Variants in GAPVD1 observed in about 807,000 individuals in gnomAD.
The protein encoded by GAPVD1 is GTPase-activating protein and VPS9 domain-containing protein 1.
In GAPVD1, 35 loss-of-function variants were observed where a neutral mutation model predicts 155.5. The ratio of observed to expected loss-of-function variants is 0.23; its 90% confidence interval spans 0.17 to 0.30. The LOEUF is 0.30. Ranked by LOEUF, GAPVD1 falls within the 10% of genes least tolerant of loss-of-function variation. The pLI is 1.00. For missense variants in GAPVD1, 1,429 were observed against 1,775.7 expected (o/e 0.80, Z 3.51); for synonymous variants, 636 against 619.7 (o/e 1.03, Z -0.39).
chr9:125,320,964 C>T (rs868765973), intron 9 of GAPVD1, among the ~76,000 whole-genome samples: 30 of 152,176 alleles, frequency 2.0e-4, no homozygotes, highest in African/African-American at 7.0e-4. Flanking sequence ...AAATTTAATA[C>T]GTGACATGAC....
intron 15 of GAPVD1, among the ~76,000 whole-genome samples, chr9:125,335,763 TTAA>T (rs1564422637): frequency 2.6e-5 from 4 of 152,308 alleles, no homozygotes; most frequent in African/African-American, 9.6e-5. Flanking sequence ...TTTAAATGAA[TTAA>T]TAAATATTTA....
rs1424017497 is a variant in GAPVD1, at chr9:125,301,171, G to A, written c.186-812G>A. ...TGCTGTCTCAAGCTCCTGAGCTCAA[G>A]CGATTTTCCCACCTCAGCCTCCTGA... is the stretch of plus-strand genomic sequence containing the variant. On this transcript the variant is annotated intron_variant, in intron 4 of 27. Coordinates refer to ENST00000297933, the MANE Select transcript of GAPVD1 (RefSeq NM_001282680.3). Among the ~76,000 whole-genome samples, 8 of 151,956 alleles carry A rather than the reference G, an allele frequency of 5.3e-5. No individual in the cohort carries two copies. The East Asian group carries it at 1.5e-3, about 29-fold the overall frequency.
chr9:125,272,181 GC>G (rs1295612997), intron 2 of GAPVD1, among the ~76,000 whole-genome samples: 1 of 151,970 alleles, frequency 6.6e-6, no homozygotes, highest in Non-Finnish European at 1.5e-5. Context: ...CTGCCACCCT[GC>G]CTGGCTAATT....
rs1393132066 is a variant in GAPVD1 at position 125,261,833 on chromosome 9, A to C, written c.-325A>C. The C allele has an allele frequency of 1.3e-5, 2 of 152,444 alleles. No individual in the cohort carries two copies. Among genetic ancestry groups the C allele is most frequent in the Non-Finnish European group, 2.9e-5 (2 of 68,160 alleles). The allele number at this position is 152,444 out of a possible 1,614,324, so 9.4% of individuals were successfully genotyped here. A position where few individuals can be genotyped will look rare whatever the true frequency, so the allele number is the denominator to read the frequency against. On this transcript the variant is annotated 5_prime_UTR_variant, in exon 1 of 28. Coordinates refer to ENST00000297933, the MANE Select transcript of GAPVD1 (RefSeq NM_001282680.3). ...GCAGCGCCGCTGCAGGACGCAGGGA[A>C]GCCAACAGGCGAGTGGCGAAGGTGG...
rs1309365836 is a variant in GAPVD1, at chr9:125,350,860, C to G, written c.3557C>G (p.Ala1186Gly). 1.2e-6 allele frequency: 2 copies of G among 1,613,138 alleles called. No individual in the cohort carries two copies. Among genetic ancestry groups the G allele is most frequent in the Admixed American group, 1.7e-5 (1 of 59,914 alleles). The change falls in exon 23 of 28, where the codon GCT (alanine) becomes GGT (glycine). Residue 1186 changes from alanine (A) to glycine (G), a missense_variant. By Grantham distance (60) the Ala-to-Gly change is moderately conservative. Coordinates refer to ENST00000297933, the MANE Select transcript of GAPVD1 (RefSeq NM_001282680.3). The part of the protein sequence containing the change: ...RTCRKLLASI[A>G]EDYRKRAPYI... ...TGTAGGAAACTGCTGGCTTCGATTGCTGAGGACTACAGGTAATATACCCCA... is the reference window on the plus strand; with the variant it reads ...TGTAGGAAACTGCTGGCTTCGATTGGTGAGGACTACAGGTAATATACCCCA...
chr9:125,313,351 T>C (rs1330533075), intron 9 of GAPVD1, among the ~76,000 whole-genome samples: 2 of 150,942 alleles, frequency 1.3e-5, no homozygotes, highest in East Asian at 3.9e-4. Context: ...TCACCTAGGC[T>C]GGAGTGCAGT....
chr9:125,282,069 A>G (rs1836875873), intron 2 of GAPVD1, among the ~76,000 whole-genome samples: 1 of 152,212 alleles, frequency 6.6e-6, no homozygotes, highest in Non-Finnish European at 1.5e-5. Context: ...TCACAAGATC[A>G]AGAGATTGAG....
At chr9:125,272,186 G>A (rs1835026847) in intron 2 of GAPVD1, among the ~76,000 whole-genome samples, 1 of 152,034 alleles carries the variant, frequency 6.6e-6, no homozygotes, top group Admixed American at 6.6e-5. Context: ...ACCCTGCCTG[G>A]CTAATTTCTG....
chr9:125,307,240 G>A (rs1841994245), intron 6 of GAPVD1, among the ~76,000 whole-genome samples, 173 bp from the exon 7 acceptor site: 1 of 148,400 alleles, frequency 6.7e-6, no homozygotes, highest in Admixed American at 6.8e-5. Flanking sequence ...TTTCATTCCA[G>A]CCTGGGTAAA....
intron 8 of GAPVD1, among the ~76,000 whole-genome samples, chr9:125,311,374 C>T (rs1478688403): frequency 6.6e-6 from 1 of 152,150 alleles, no homozygotes; most frequent in Non-Finnish European, 1.5e-5. Flanking sequence ...GTAATCCCAG[C>T]ACTTGGGGAA....
At chr9:125,314,381 C>G (rs1009123737) in intron 9 of GAPVD1, among the ~76,000 whole-genome samples, 5 of 152,166 alleles carry the variant, frequency 3.3e-5, no homozygotes, top group South Asian at 2.1e-4. Flanking sequence ...GAAGGTCAGG[C>G]CTGGTGGCTC....
chr9:125,289,545 C>T (rs1838256934), intron 2 of GAPVD1, among the ~76,000 whole-genome samples: 1 of 151,954 alleles, frequency 6.6e-6, no homozygotes, highest in South Asian at 2.1e-4. Context: ...GAGTTTTTGG[C>T]CTGAGCAGTT....
chr9:125,327,204 A>G (rs1845310699), intron 12 of GAPVD1, among the ~76,000 whole-genome samples: 1 of 151,544 alleles, frequency 6.6e-6, no homozygotes, highest in African/African-American at 2.4e-5. Flanking sequence ...CTTTTTTTTT[A>G]ATGTGAAGTT....
intron 8 of GAPVD1, among the ~76,000 whole-genome samples, chr9:125,309,717 C>T (rs1487523331): frequency 6.6e-6 from 1 of 152,138 alleles, no homozygotes; most frequent in Non-Finnish European, 1.5e-5. Flanking sequence ...ATTTTTTCTC[C>T]ATTGTTGACT....
At chr9:125,295,400 T>A (rs991067474) in intron 2 of GAPVD1, 58 bp from the exon 3 acceptor site, 9 of 151,906 alleles carry the variant, frequency 5.9e-5, no homozygotes, top group African/African-American at 2.2e-4. Flanking sequence ...TTGGTATACT[T>A]TTTAAATTAT....
chr9:125,283,965 C>T (rs1294121409), intron 2 of GAPVD1, among the ~76,000 whole-genome samples: 10 of 151,876 alleles, frequency 6.6e-5, no homozygotes, highest in South Asian at 2.1e-4. Flanking sequence ...CTCTGCCTCC[C>T]GGGTTCAAGT....
chr9:125,286,531 A>G (rs566437739), intron 2 of GAPVD1, among the ~76,000 whole-genome samples: 3 of 152,182 alleles, frequency 2.0e-5, no homozygotes, highest in Non-Finnish European at 4.4e-5. Flanking sequence ...AATTTCAGGA[A>G]AAAATTATAT....
intron 17 of GAPVD1, among the ~76,000 whole-genome samples, chr9:125,338,382 T>C (rs1008334873): frequency 1.3e-5 from 2 of 152,184 alleles, no homozygotes; most frequent in African/African-American, 4.8e-5. Context: ...CATTGATACA[T>C]TACTACCAGT....
intron 20 of GAPVD1, 145 bp downstream of exon 20, chr9:125,347,086 T>A: frequency 1.3e-6 from 1 of 742,320 alleles, no homozygotes; most frequent in Non-Finnish European, 2.2e-6. Flanking sequence ...AACAAATGTT[T>A]AAATTGATGT....
Sources: gnomAD v4.1 joint callset for allele counts (sites outside exome capture counted in the v4.1 genomes callset) on GRCh38, gnomAD v4.1.1 for gene constraint, MANE v1.5 for transcripts, NCBI Gene and HGNC (gene_info 2026-07-23, HGNC 2026-07-21) for gene names.